The following MYLK variants were observed in gnomAD, a reference collection of about 807,000 sequenced individuals.
The protein encoded by MYLK is myosin light chain kinase.
Under a neutral mutation model 203.4 loss-of-function variants are expected in MYLK, and 106 were observed. That is an observed-to-expected ratio of 0.52 (90% CI 0.45 to 0.61). The LOEUF is 0.61. Among genes scored for constraint, MYLK ranks in the 20% least tolerant of loss-of-function variants. The pLI, the probability that MYLK is intolerant of heterozygous loss-of-function variation, is 0.00. For missense variants in MYLK, 2,072 were observed against 2,442.3 expected, an observed-to-expected ratio of 0.85 and a Z score of 3.20; for synonymous variants, 867 against 959.5, an observed-to-expected ratio of 0.90 and a Z score of 1.78.
At chr3:123,723,797 T>C (rs2062178134) in intron 12 of MYLK, among the ~76,000 whole-genome samples, 1 of 152,220 alleles carries the variant, frequency 6.6e-6, no homozygotes, top group Non-Finnish European at 1.5e-5. Flanking sequence ...AAACACCGTC[T>C]TGAGTGATGT....
At position 123,635,507 on chromosome 3, in the gene MYLK, C is replaced by G. The variant is rs766613044; in HGVS notation, c.4961+2564G>C. Among the ~76,000 whole-genome samples, 9 of 152,100 alleles carry G rather than the reference C, an allele frequency of 5.9e-5. No homozygotes were observed. In the South Asian group the frequency reaches 6.2e-4, roughly 11 times the overall value. On this transcript the variant is annotated intron_variant, in intron 29 of 33. Coordinates refer to ENST00000360304, the MANE Select transcript of MYLK (RefSeq NM_053025.4). ...AGGATTGATCCAGCCTGAGTCAGTG[C>G]CACCTGGCCTGGGTCCTTGCCACAC... is the stretch of plus-strand genomic sequence containing the variant.
intron 19 of MYLK, among the ~76,000 whole-genome samples, chr3:123,683,522 T>C (rs1166317961): frequency 2.0e-5 from 3 of 152,156 alleles, no homozygotes; most frequent in Admixed American, 2.0e-4. Flanking sequence ...CATTTCTCCT[T>C]CTGGGAGGCA....
Position 123,614,213 on chromosome 3 carries a change from C to A in MYLK, c.5637G>T (p.Lys1879Asn). Residue 1879 changes from lysine to asparagine, a missense_variant, in exon 34 of 34, where the codon AAG (lysine) becomes AAT (asparagine). Transcript: ENST00000360304. ...GACTGTTGACAGCCTTGCAGGTGTA[C>A]TTGGCATCGTCATCCCCGCAAACAT... ...ISDVCGDDDA[K>N]YTCKAVNSLG... 1 of 1,614,096 alleles carries A rather than the reference C, an allele frequency of 6.2e-7. No homozygotes were observed. Among genetic ancestry groups the A allele is most frequent in the Admixed American group, 1.7e-5 (1 of 60,018 alleles).
intron 13 of MYLK, among the ~76,000 whole-genome samples, chr3:123,715,600 C>T (rs2108692322): frequency 6.6e-6 from 1 of 152,240 alleles, no homozygotes; most frequent in Non-Finnish European, 1.5e-5. Flanking sequence ...TGCACTAATT[C>T]TTCTTATAAA....
intron 3 of MYLK, among the ~76,000 whole-genome samples, chr3:123,819,349 T>C (rs1301875207): frequency 1.3e-5 from 2 of 152,180 alleles, no homozygotes; most frequent in African/African-American, 4.8e-5. Flanking sequence ...CCACTGTGTG[T>C]GCAGGTATCA....
rs766124436 is a variant in MYLK at position 123,692,874 on chromosome 3, T to C, written c.3449-23A>G. The C allele has an allele frequency of 1.0e-5, 16 of 1,597,892 alleles. No homozygotes were observed. The South Asian group carries it at 1.8e-4, about 18-fold the overall frequency. On this transcript the variant is annotated intron_variant, in intron 18 of 33. Transcript: ENST00000360304. ...AGCCTGGGGAGGAAGAATTGTGGAGTGAACCAGGTGTGGTCGTAGTACCTG... is the reference window on the plus strand; with the variant it reads ...AGCCTGGGGAGGAAGAATTGTGGAGCGAACCAGGTGTGGTCGTAGTACCTG...
chr3:123,826,483 C>G (rs1164638722), intron 3 of MYLK, among the ~76,000 whole-genome samples: 1 of 152,196 alleles, frequency 6.6e-6, no homozygotes, highest in African/African-American at 2.4e-5. Context: ...AGAAACAGAC[C>G]TGTAGGTAGT....
intron 27 of MYLK, among the ~76,000 whole-genome samples, chr3:123,643,495 G>C (rs1404290603): frequency 6.6e-6 from 1 of 152,104 alleles, no homozygotes; most frequent in Non-Finnish European, 1.5e-5. Flanking sequence ...ATTATATTTT[G>C]AAAACTGTTC....
At chr3:123,615,988 T>G (rs1287310302) in intron 33 of MYLK, among the ~76,000 whole-genome samples, 1 of 152,180 alleles carries the variant, frequency 6.6e-6, no homozygotes, top group Admixed American at 6.5e-5. Flanking sequence ...GTGAAATAAT[T>G]TAAATGAAAA....
At chr3:123,646,528 C>T (rs934593863) in intron 27 of MYLK, among the ~76,000 whole-genome samples, 3 of 152,168 alleles carry the variant, frequency 2.0e-5, no homozygotes, top group African/African-American at 4.8e-5. Context: ...TGTGTGTGTG[C>T]ATGTGTGTGT....
At position 123,841,171 on chromosome 3, in the gene MYLK, C is replaced by T. The variant is rs186645356; in HGVS notation, c.-126-9501G>A. ...TATTTCAGGTGGTAGATTCTTAAAA[C>T]CACAAGTGTTCAAAAGGTCCTGGAC... On this transcript the variant is annotated intron_variant, in intron 2 of 33. Coordinates refer to ENST00000360304, the MANE Select transcript of MYLK (RefSeq NM_053025.4). Among the ~76,000 whole-genome samples the T allele has an allele frequency of 3.7e-4, 57 of 152,214 alleles. No individual in the cohort carries two copies. The East Asian group carries it at 8.7e-3, about 23-fold the overall frequency.
intron 27 of MYLK, among the ~76,000 whole-genome samples, chr3:123,644,223 T>G (rs1029769302): frequency 6.6e-6 from 1 of 152,200 alleles, no homozygotes; most frequent in Non-Finnish European, 1.5e-5. Flanking sequence ...ATTGCACTGG[T>G]GAAAATCATT....
intron 3 of MYLK, among the ~76,000 whole-genome samples, chr3:123,830,962 T>G (rs756277221): frequency 4.6e-5 from 7 of 152,196 alleles, no homozygotes; most frequent in Non-Finnish European, 1.0e-4. Context: ...TCTACACCTA[T>G]TATCACACAG....
chr3:123,836,604 A>T (rs929055546), intron 2 of MYLK, among the ~76,000 whole-genome samples: 9 of 152,136 alleles, frequency 5.9e-5, no homozygotes, highest in Non-Finnish European at 8.8e-5. Flanking sequence ...CTACCACATG[A>T]TGTTTGTGGA....
At chr3:123,739,206 A>C in intron 6 of MYLK, 144 bp from the exon 7 acceptor site, 3 of 949,202 alleles carry the variant, frequency 3.2e-6, no homozygotes, top group Non-Finnish European at 4.9e-6. Context: ...AAACTTTCTC[A>C]TGCTCTCTCT....
In MYLK at chr3:123,640,709, G is replaced by C. The variant is rs1190103633; in HGVS notation, c.4620-205C>G. 6.6e-6 allele frequency among the ~76,000 whole-genome samples: 1 copy of C among 152,172 alleles called. No homozygotes were observed. Among genetic ancestry groups the C allele is most frequent in the Non-Finnish European group, 1.5e-5 (1 of 68,030 alleles). On this transcript the variant is annotated intron_variant, in intron 27 of 33. Coordinates refer to ENST00000360304, the MANE Select transcript of MYLK (RefSeq NM_053025.4). The surrounding 1 kb of genome is among the most constrained non-coding windows in gnomAD (Gnocchi z 4.3). ...GTTTCCCATCAGGGAACCCTGCCCTGCACCTTCTAAGCTGCTGGGGACTCA... is the reference window on the plus strand; with the variant it reads ...GTTTCCCATCAGGGAACCCTGCCCTCCACCTTCTAAGCTGCTGGGGACTCA...
At chr3:123,747,306 G>A (rs1476474168) in intron 5 of MYLK, among the ~76,000 whole-genome samples, 3 of 152,266 alleles carry the variant, frequency 2.0e-5, no homozygotes, top group Admixed American at 2.0e-4. Context: ...CCTGCTGGCT[G>A]GCCCTCTCTC....
At chr3:123,666,384 G>A (rs778423966) in intron 21 of MYLK, 38 bp from the exon 22 acceptor site, 3 of 1,613,834 alleles carry the variant, frequency 1.9e-6, no homozygotes, top group African/African-American at 2.7e-5. Flanking sequence ...GAGGCAGAAG[G>A]GTCTCAGGCA....
intron 24 of MYLK, 120 bp downstream of exon 24, chr3:123,657,006 C>A: frequency 8.5e-7 from 1 of 1,172,718 alleles, no homozygotes; most frequent in East Asian, 2.4e-5. Context: ...CCAAAAGACC[C>A]TGCCAGTCAT....
Sources: gnomAD v4.1 joint callset for allele counts (sites outside exome capture counted in the v4.1 genomes callset) on GRCh38, gnomAD v4.1.1 for gene constraint, Gnocchi (gnomAD v3.1) non-coding constraint, MANE v1.5 for transcripts, NCBI Gene and HGNC (gene_info 2026-07-23, HGNC 2026-07-21) for gene names.